The following ZBTB46 variants were observed in gnomAD, a reference collection of about 807,000 sequenced individuals.
The protein encoded by ZBTB46 is zinc finger and BTB domain-containing protein 46.
In ZBTB46, 8 loss-of-function variants were observed where a neutral mutation model predicts 44.1. The ratio of observed to expected loss-of-function variants is 0.18; its 90% CI spans 0.11 to 0.33. The LOEUF is 0.33. Ranked by LOEUF, ZBTB46 falls within the 10% of genes least tolerant of loss-of-function variation. ZBTB46 has a pLI of 1.00. For missense variants in ZBTB46, 651 were observed against 847.7 expected (o/e 0.77, Z 2.88); for synonymous variants, 409 against 382.3 (o/e 1.07, Z -0.81).
Position 63,775,725 on chromosome 20 carries a change from C to CCGTCATCCCCCAGCA in ZBTB46, c.1160_1174dup (p.Val387_Asp391dup), listed in dbSNP as rs1464238099. The CCGTCATCCCCCAGCA allele has an allele frequency of 6.2e-7, 1 of 1,607,818 alleles. No homozygotes were observed. The highest frequency in any genetic ancestry group is 1.7e-5 in the Admixed American group (1 of 59,524). ...GGGCAGGTACTCGAACAGCAGGGAG[C>CCGTCATCCCCCAGCA]CGTCATCCCCCAGCACGTCGGCCTT... On this transcript the variant is annotated inframe_insertion, in exon 3 of 5. Coordinates refer to ENST00000245663, the MANE Select transcript of ZBTB46 (RefSeq NM_001369741.1).
intron 1 of ZBTB46, among the ~76,000 whole-genome samples, chr20:63,827,900 G>A (rs982756136): frequency 3.3e-5 from 5 of 152,168 alleles, no homozygotes; most frequent in African/African-American, 1.2e-4. Flanking sequence ...ACAGGACAAT[G>A]TTTTATTTGT....
In ZBTB46 at chr20:63,787,889, A is replaced by G. The variant is rs930210350; in HGVS notation, c.937+1932T>C. ...GAGGAGGGACCAGGGTCAGGAGAAG[A>G]GGCCACACCCGCCCTGCCCAGGAAG... On this transcript the variant is annotated intron_variant, in intron 2 of 4. Coordinates refer to ENST00000245663, the MANE Select transcript of ZBTB46 (RefSeq NM_001369741.1). This position sits in a 1 kb window ranked among gnomAD's most constrained non-coding sequence, Gnocchi z 4.6. 6.6e-6 allele frequency: 1 copy of G among 152,266 alleles called. No homozygotes were observed. The highest frequency in any genetic ancestry group is 2.4e-5 in the African/African-American group (1 of 41,474). 9.4% of individuals were successfully genotyped at this position (152,266 alleles called of 1,614,324 possible).
intron 3 of ZBTB46, among the ~76,000 whole-genome samples, chr20:63,762,677 C>T (rs527307460): frequency 0.016 from 1,671 of 104,550 alleles, 19 homozygotes; most frequent in Non-Finnish European, 0.021. Context: ...AACAAACAAA[C>T]AAAAAAAAAA....
At chr20:63,786,284 C>T (rs868006719) in intron 2 of ZBTB46, among the ~76,000 whole-genome samples, 3 of 152,236 alleles carry the variant, frequency 2.0e-5, no homozygotes, top group Non-Finnish European at 2.9e-5. Flanking sequence ...ACTCTCCACA[C>T]GCACAGCAGC....
intron 1 of ZBTB46, among the ~76,000 whole-genome samples, chr20:63,813,447 CA>C (rs35043743): frequency 0.016 from 2,273 of 141,444 alleles, 23 homozygotes; most frequent in Middle Eastern, 0.024. Context: ...GACTCCATCT[CA>C]AAAAAAAAAA....
chr20:63,827,345 C>T (rs1443725641), intron 1 of ZBTB46, among the ~76,000 whole-genome samples: 1 of 152,174 alleles, frequency 6.6e-6, no homozygotes, highest in Non-Finnish European at 1.5e-5. Flanking sequence ...CGGTGGCTCA[C>T]GCCTGTAATC....
rs2092684105 is a variant in ZBTB46, at chr20:63,806,765, C to T, written c.-33-15975G>A. 2.6e-5 allele frequency among the ~76,000 whole-genome samples: 4 copies of T among 151,918 alleles called. No homozygotes were observed. The South Asian group carries it at 8.3e-4, about 32-fold the overall frequency. On this transcript the variant is annotated intron_variant, in intron 1 of 4. Coordinates refer to ENST00000245663, the MANE Select transcript of ZBTB46 (RefSeq NM_001369741.1). ...CTGGGACTACAGGCGCCCACCACCA[C>T]GCCCAGCTAATTGTTTTGTTTTGGT... is the stretch of plus-strand genomic sequence containing the variant.
At chr20:63,809,289 T>A (rs1477888170) in intron 1 of ZBTB46, among the ~76,000 whole-genome samples, 2 of 152,172 alleles carry the variant, frequency 1.3e-5, no homozygotes, top group African/African-American at 4.8e-5. Context: ...CCAGTCCTCA[T>A]GGCCGCGTCT....
At position 63,790,055 on chromosome 20, in the gene ZBTB46, G is replaced by A; in HGVS notation, c.703C>T (p.Pro235Ser). Residue 235 changes from proline to serine, a missense_variant, in exon 2 of 5, where the codon CCG (proline) becomes TCG (serine). By Grantham distance (74) the Pro-to-Ser change is moderately conservative. This residue lies in a region of ZBTB46 where 385 missense variants were observed against 423.3 expected (regional missense o/e 0.91). Coordinates refer to ENST00000245663, the MANE Select transcript of ZBTB46 (RefSeq NM_001369741.1). ...PLRIKEEQVS[P>S]SQYGGSELPS... Reference sequence around the variant, plus strand: ...AGCTCGCTCCCTCCGTACTGAGACGGTGAAACCTGCTCTTCCTTGATGCGC... The same window carrying A: ...AGCTCGCTCCCTCCGTACTGAGACGATGAAACCTGCTCTTCCTTGATGCGC... 1 of 1,614,060 alleles carries A rather than the reference G, an allele frequency of 6.2e-7. No homozygotes were observed. The highest frequency in any genetic ancestry group is 8.5e-7 in the Non-Finnish European group (1 of 1,180,000).
At chr20:63,796,310 C>T (rs1282694337) in intron 1 of ZBTB46, among the ~76,000 whole-genome samples, 1 of 152,218 alleles carries the variant, frequency 6.6e-6, no homozygotes, top group Non-Finnish European at 1.5e-5. Flanking sequence ...CGGGAGGCCT[C>T]GGGTGCCCCC....
chr20:63,825,630 G>A, intron 1 of ZBTB46, among the ~76,000 whole-genome samples: 1 of 152,120 alleles, frequency 6.6e-6, no homozygotes, highest in East Asian at 1.9e-4. Context: ...CCAATGAGTG[G>A]ATTATGAGTG....
At chr20:63,805,899 A>G (rs1311758617) in intron 1 of ZBTB46, among the ~76,000 whole-genome samples, 6 of 151,406 alleles carry the variant, frequency 4.0e-5, no homozygotes, top group African/African-American at 1.5e-4. Flanking sequence ...CGGCCTCCCC[A>G]GTAGCTGGGA....
intron 1 of ZBTB46, among the ~76,000 whole-genome samples, chr20:63,795,348 G>A (rs1213400506): frequency 1.3e-5 from 2 of 152,210 alleles, no homozygotes; most frequent in Non-Finnish European, 1.5e-5. Context: ...CTCAACCGCC[G>A]ACAACCAGGT....
At chr20:63,819,186 A>C (rs1051730866) in intron 1 of ZBTB46, among the ~76,000 whole-genome samples, 4 of 152,244 alleles carry the variant, frequency 2.6e-5, no homozygotes, top group African/African-American at 9.6e-5. Context: ...AGAGAAGAGC[A>C]TCACTGAGAC....
At chr20:63,820,157 G>A (rs961226744) in intron 1 of ZBTB46, among the ~76,000 whole-genome samples, 8 of 151,396 alleles carry the variant, frequency 5.3e-5, no homozygotes, top group African/African-American at 1.7e-4. Context: ...GCAGTGGCAC[G>A]ATTTCGGCTC....
In ZBTB46 at chr20:63,820,104, TTTTG is replaced by T. The variant is rs1276241325; in HGVS notation, c.-34+10989_-34+10992del. Among the ~76,000 whole-genome samples the T allele has an allele frequency of 2.6e-3, 387 of 151,084 alleles. 2 individuals carry two copies. Among genetic ancestry groups the T allele is most frequent in the African/African-American group, 8.9e-3 (366 of 41,134 alleles). On this transcript the variant is annotated intron_variant, in intron 1 of 4. Coordinates refer to ENST00000245663, the MANE Select transcript of ZBTB46 (RefSeq NM_001369741.1). The stretch of plus-strand genomic sequence containing the variant: ...AAACAGTAAACAGGCACACTTTTTT[TTTTG>T]TTTGAGACGAAGTCTCGCTCTGTCA...
intron 1 of ZBTB46, among the ~76,000 whole-genome samples, chr20:63,813,317 A>G (rs539391530): frequency 4.7e-5 from 7 of 150,246 alleles, no homozygotes. Context: ...GGTGTGGTGG[A>G]GCGCGCCTGT....
At chr20:63,798,244 T>G (rs1301672903) in intron 1 of ZBTB46, among the ~76,000 whole-genome samples, 1 of 152,216 alleles carries the variant, frequency 6.6e-6, no homozygotes, top group South Asian at 2.1e-4. Flanking sequence ...CACCATTTAT[T>G]AAATAGGGAA....
chr20:63,810,012 T>G (rs1035124239), intron 1 of ZBTB46, among the ~76,000 whole-genome samples: 37 of 151,526 alleles, frequency 2.4e-4, no homozygotes, highest in African/African-American at 7.5e-4. Flanking sequence ...TGGCAAACAT[T>G]AACGTAATGT....
Sources: gnomAD v4.1 joint callset for allele counts (sites outside exome capture counted in the v4.1 genomes callset) on GRCh38, gnomAD v4.1.1 for gene constraint, gnomAD v4.1.1 regional missense constraint, Gnocchi (gnomAD v3.1) non-coding constraint, MANE v1.5 for transcripts, NCBI Gene and HGNC (gene_info 2026-07-23, HGNC 2026-07-21) for gene names.